Variants in SENP2 observed in about 807,000 individuals in gnomAD.
SENP2 encodes sentrin-specific protease 2.
In SENP2, 16 loss-of-function variants were observed where a neutral mutation model predicts 86.3. The observed-to-expected ratio is 0.19, with a 90% CI of 0.13 to 0.28. SENP2 has a LOEUF of 0.28. SENP2 is among the 10% of genes least tolerant of loss of function. The pLI, the probability that SENP2 is intolerant of heterozygous loss-of-function variation, is 1.00. For missense variants in SENP2, 552 were observed against 703.0 expected, an observed-to-expected ratio of 0.79 and a Z score of 2.43; for synonymous variants, 222 against 238.7, an observed-to-expected ratio of 0.93 and a Z score of 0.64.
At chr3:185,595,797 ATTTT>A (rs1011999597) in intron 2 of SENP2, among the ~76,000 whole-genome samples, 1 of 130,120 alleles carries the variant, frequency 7.7e-6, no homozygotes, top group African/African-American at 2.9e-5. Context: ...TGAGCCTGAG[ATTTT>A]TTTTTTTTTT....
intron 7 of SENP2, among the ~76,000 whole-genome samples, chr3:185,610,672 C>A (rs1325175393): frequency 6.6e-6 from 1 of 152,120 alleles, no homozygotes; most frequent in Non-Finnish European, 1.5e-5. Flanking sequence ...AAAGTTGCTG[C>A]TTTGGCTGGG....
In SENP2 at chr3:185,592,011, C is replaced by CTTTTTTTTTTTTTTTTTTT. The variant is rs149268515; in HGVS notation, c.157+1847_157+1865dup. ...CTGTCTTTAAGAACCGGTAATATTT[C>CTTTTTTTTTTTTTTTTTTT]TTTTTTTTTTTTTTTTTTTTTTTGA... On this transcript the variant is annotated intron_variant, in intron 2 of 16. Coordinates refer to ENST00000296257, the MANE Select transcript of SENP2 (RefSeq NM_021627.3). 1.2e-3 allele frequency among the ~76,000 whole-genome samples: 78 copies of CTTTTTTTTTTTTTTTTTTT among 65,798 alleles called. 14 individuals carry two copies. Among genetic ancestry groups the CTTTTTTTTTTTTTTTTTTT allele is most frequent in the East Asian group, 1.5e-3 (3 of 1,964 alleles). The allele number at this position is 65,798 out of a possible 152,430, so 43.2% of individuals were successfully genotyped here.
Position 185,623,825 on chromosome 3 carries a change from T to C in SENP2, c.1527-173T>C, listed in dbSNP as rs1318580205. ...CTGGGCGACAGAGCGAGACTCTGTC[T>C]CAAAAAAAAAAAAAAAAAAAAAAAA... On this transcript the variant is annotated intron_variant, in intron 14 of 16. Coordinates refer to ENST00000296257, the MANE Select transcript of SENP2 (RefSeq NM_021627.3). Among the ~76,000 whole-genome samples, 4 of 31,522 alleles carry C rather than the reference T, an allele frequency of 1.3e-4. No individual in the cohort carries two copies. In the East Asian group the frequency reaches 3.1e-3, roughly 25 times the overall value. The allele number at this position is 31,522 out of a possible 152,430, so 20.7% of individuals were successfully genotyped here.
In SENP2 at chr3:185,600,866, A is replaced by G. The variant is rs773545464; in HGVS notation, c.449+11A>G. The stretch of plus-strand genomic sequence containing the variant: ...CCTGCCTTCCTTTGGGTAAGTGTTA[A>G]ATTCTTTCTGTAAATGGAAACTTAG... On this transcript the variant is annotated intron_variant, in intron 5 of 16. Transcript: ENST00000296257. 1.3e-6 allele frequency: 2 copies of G among 1,572,640 alleles called. No homozygotes were observed. Among genetic ancestry groups the G allele is most frequent in the Non-Finnish European group, 1.7e-6 (2 of 1,143,966 alleles).
At position 185,598,528 on chromosome 3, in the gene SENP2, G is replaced by A. The variant is rs1249439228; in HGVS notation, c.274G>A (p.Val92Met). Residue 92 changes from valine to methionine, a missense_variant, in exon 3 of 17, where the codon GTG (valine) becomes ATG (methionine). Physicochemically the swap from Val to Met is conservative, Grantham distance 21. Coordinates refer to ENST00000296257, the MANE Select transcript of SENP2 (RefSeq NM_021627.3). ...TTCTGCTTGTAATGGAACACGGAAT[G>A]TGGCCCCTTCAGGAGAGGTCAGTGG... is the stretch of plus-strand genomic sequence containing the variant. ...VTSACNGTRN[V>M]APSGEVFSNS... The A allele has an allele frequency of 6.2e-7, 1 of 1,614,048 alleles. No homozygotes were observed. The highest frequency in any genetic ancestry group is 1.3e-5 in the African/African-American group (1 of 75,012).
intron 2 of SENP2, among the ~76,000 whole-genome samples, chr3:185,598,008 C>G (rs1483924701): frequency 4.0e-5 from 6 of 151,546 alleles, no homozygotes; most frequent in South Asian, 2.1e-4. Flanking sequence ...GAAAATAGGA[C>G]TTTTTTAAAT....
chr3:185,627,327 TCGGC>T (rs1712196809), intron 16 of SENP2, among the ~76,000 whole-genome samples: 1 of 152,152 alleles, frequency 6.6e-6, no homozygotes, highest in Non-Finnish European at 1.5e-5. Context: ...AAGGGAAAAA[TCGGC>T]CTGTGAGAAC....
intron 2 of SENP2, among the ~76,000 whole-genome samples, chr3:185,596,086 C>T (rs947386208): frequency 1.1e-4 from 16 of 152,112 alleles, no homozygotes; most frequent in African/African-American, 3.9e-4. Context: ...CTGCCTCAGC[C>T]TCCAGAGTAG....
chr3:185,616,047 G>C (rs528554614), intron 11 of SENP2, among the ~76,000 whole-genome samples: 2 of 151,448 alleles, frequency 1.3e-5, no homozygotes, highest in East Asian at 4.0e-4. Context: ...ATTTTTAGTA[G>C]AGATGGGGTT....
intron 16 of SENP2, among the ~76,000 whole-genome samples, chr3:185,627,400 T>G (rs1182287422): frequency 6.6e-6 from 1 of 151,170 alleles, no homozygotes; most frequent in African/African-American, 2.5e-5. Context: ...TGTTCTGCTC[T>G]TTTGTGTTTG....
At chr3:185,592,618 CCTTT>C (rs1467055883) in intron 2 of SENP2, among the ~76,000 whole-genome samples, 2 of 131,624 alleles carry the variant, frequency 1.5e-5, no homozygotes, top group Non-Finnish European at 3.2e-5. Flanking sequence ...GACAGGGTCT[CCTTT>C]TTTTTTTTTT....
Position 185,619,358 on chromosome 3 carries a change from A to G in SENP2, c.1302A>G (p.Ala434=), listed in dbSNP as rs1711752963. ...GAAATAAAAAGCAAGGCTATCCAGC[A>G]CTTCATGTATTCAGTACTTTCTTCT... ...VERNKKQGYP[A]LHVFSTFFYP... Residue 434 remains alanine, a synonymous_variant, in exon 13 of 17, where the codon GCA becomes GCG. Transcript: ENST00000296257. 3 of 1,614,056 alleles carry G rather than the reference A, an allele frequency of 1.9e-6. No individual in the cohort carries two copies. Among genetic ancestry groups the G allele is most frequent in the Non-Finnish European group, 2.5e-6 (3 of 1,179,904 alleles).
At chr3:185,629,200 G>T (rs1003887953) in intron 16 of SENP2, among the ~76,000 whole-genome samples, 1 of 152,186 alleles carries the variant, frequency 6.6e-6, no homozygotes, top group Non-Finnish European at 1.5e-5. Context: ...GTGCCACCAC[G>T]TGGATATTTG....
chr3:185,627,508 G>A (rs1712207767), intron 16 of SENP2, among the ~76,000 whole-genome samples: 1 of 152,190 alleles, frequency 6.6e-6, no homozygotes, highest in African/African-American at 2.4e-5. Flanking sequence ...TGCCTTCTGG[G>A]TTCAAGCAAT....
intron 2 of SENP2, among the ~76,000 whole-genome samples, chr3:185,598,089 T>C (rs1049523945): frequency 6.6e-6 from 1 of 152,192 alleles, no homozygotes; most frequent in Admixed American, 6.5e-5. Context: ...CACAGCTCAC[T>C]GTAGCCTCAA....
In SENP2 at chr3:185,632,213, G is replaced by GTTTTTTTTTTTTTTTTTTTTTTT. The variant is rs369236428; in HGVS notation, c.*2379_*2380insTTTTTTTTTTTTTTTTTTTTTTT. ...CAAATTATCACCATTAAAGCCAGTG[G>GTTTTTTTTTTTTTTTTTTTTTTT]TTTTTTTTTTGTTTTTTTTTTTTGT... On this transcript the variant is annotated 3_prime_UTR_variant, in exon 17 of 17. Transcript: ENST00000296257. 2 of 125,326 alleles carry GTTTTTTTTTTTTTTTTTTTTTTT rather than the reference G, an allele frequency of 1.6e-5. No homozygotes were observed. The highest frequency in any genetic ancestry group is 1.6e-5 in the Non-Finnish European group (1 of 60,740). 7.8% of individuals were successfully genotyped at this position (125,326 alleles called of 1,614,324 possible).
At position 185,586,296 on chromosome 3, in the gene SENP2, C is replaced by T. The variant is rs2148977393; in HGVS notation, c.-118C>T. ...ATCTGTGGGCTCTTGAATCGCGTCA[C>T]AAATCAGCGACCGAACTCTGGCGGT... On this transcript the variant is annotated 5_prime_UTR_variant, in exon 1 of 17. Coordinates refer to ENST00000296257, the MANE Select transcript of SENP2 (RefSeq NM_021627.3). The surrounding 1 kb of genome is among the most constrained non-coding windows in gnomAD (Gnocchi z 4.3). 1 of 1,557,500 alleles carries T rather than the reference C, an allele frequency of 6.4e-7. No homozygotes were observed. The highest frequency in any genetic ancestry group is 1.9e-5 in the Admixed American group (1 of 52,668).
chr3:185,606,943 G>A, intron 6 of SENP2: 1 of 314,444 alleles, frequency 3.2e-6, no homozygotes, highest in South Asian at 3.0e-5. Context: ...GAATATTTTT[G>A]GGAGCAAATA....
intron 16 of SENP2, among the ~76,000 whole-genome samples, chr3:185,628,441 C>A (rs1351402208): frequency 1.3e-5 from 2 of 151,414 alleles, no homozygotes; most frequent in Middle Eastern, 3.5e-3. Flanking sequence ...CCGGTGACAT[C>A]ACTAGTTTAT....
Sources: gnomAD v4.1 joint callset for allele counts (sites outside exome capture counted in the v4.1 genomes callset) on GRCh38, gnomAD v4.1.1 for gene constraint, Gnocchi (gnomAD v3.1) non-coding constraint, MANE v1.5 for transcripts, NCBI Gene and HGNC (gene_info 2026-07-23, HGNC 2026-07-21) for gene names.